Variants in CECR2 observed in about 807,000 individuals in gnomAD.
The protein encoded by CECR2 is chromatin remodeling regulator CECR2.
CECR2 carries 30 observed loss-of-function variants against 154.5 expected under a neutral mutation model. That is an observed-to-expected ratio of 0.19 (90% CI 0.15 to 0.26). CECR2 has a LOEUF of 0.26. CECR2 is among the 10% of genes least tolerant of loss of function. The pLI is 1.00. For synonymous variants in CECR2, 725 were observed against 683.7 expected (o/e 1.06, Z -0.94); for missense variants, 1,743 against 1,829.3 (o/e 0.95, Z 0.86).
At chr22:17,494,989 G>C (rs921930627) in intron 2 of CECR2, among the ~76,000 whole-genome samples, 1 of 152,052 alleles carries the variant, frequency 6.6e-6, no homozygotes, top group Non-Finnish European at 1.5e-5. Flanking sequence ...CACCGCGCCC[G>C]GCAAACTGTT....
chr22:17,554,246 A>G lies in CECR2; in HGVS notation c.*1406A>G, dbSNP rs975241068. 6.6e-6 allele frequency: 1 copy of G among 152,254 alleles called. No individual in the cohort carries two copies. The highest frequency in any genetic ancestry group is 2.4e-5 in the African/African-American group (1 of 41,476). 9.4% of individuals were successfully genotyped at this position (152,254 alleles called of 1,614,324 possible). A position where few individuals can be genotyped will look rare whatever the true frequency, so the allele number is the denominator to read the frequency against. On this transcript the variant is annotated 3_prime_UTR_variant, in exon 19 of 19. Coordinates refer to ENST00000262608, the MANE Select transcript of CECR2 (RefSeq NM_001290047.2). ...GTTTTAAACTTTTGAATATTCCACA[A>G]AAGAAAAAACTAAGGAAAATACTGA... is the stretch of plus-strand genomic sequence containing the variant.
chr22:17,503,889 A>T (rs544261843), intron 6 of CECR2, among the ~76,000 whole-genome samples: 1 of 152,016 alleles, frequency 6.6e-6, no homozygotes, highest in East Asian at 1.9e-4. Flanking sequence ...TCTACTAAAA[A>T]TACAAAAATT....
upstream of CECR2, among the ~76,000 whole-genome samples, chr22:17,365,281 A>T (rs2062996399): frequency 6.6e-6 from 1 of 152,198 alleles, no homozygotes; most frequent in Admixed American, 6.6e-5. Context: ...ACGGTTATGA[A>T]GAAGCCACAC....
chr22:17,526,799 A>G (rs1374526201), intron 9 of CECR2, among the ~76,000 whole-genome samples: 1 of 122,400 alleles, frequency 8.2e-6, no homozygotes, highest in East Asian at 2.6e-4. Flanking sequence ...ACAGAGTAAG[A>G]CTCCATCTCA....
intron 1 of CECR2, among the ~76,000 whole-genome samples, chr22:17,404,127 T>G (rs1448308419): frequency 1.5e-4 from 23 of 151,444 alleles, no homozygotes; most frequent in African/African-American, 3.9e-4. Flanking sequence ...GGCGTCATGT[T>G]GCACGTCTGT....
rs919895831 is a variant in CECR2 at position 17,409,242 on chromosome 22, C to T, written c.126+39333C>T. On this transcript the variant is annotated intron_variant, in intron 1 of 18. Transcript: ENST00000262608. ...CCACCTCGCGGGTTCAAGCGATTCG[C>T]GTGCCTCAGCCTTCTGAGTAACTGG... 4.5e-4 allele frequency among the ~76,000 whole-genome samples: 54 copies of T among 119,054 alleles called. 6 individuals carry two copies. The highest frequency in any genetic ancestry group is 3.7e-3 in the South Asian group (15 of 4,036). The allele number at this position is 119,054 out of a possible 152,430, so 78.1% of individuals were successfully genotyped here. A position where few individuals can be genotyped will look rare whatever the true frequency, so the allele number is the denominator to read the frequency against.
At chr22:17,499,601 A>G (rs2055698370) in intron 4 of CECR2, 52 bp downstream of exon 4, 1 of 1,514,236 alleles carries the variant, frequency 6.6e-7, no homozygotes, top group Non-Finnish European at 8.9e-7. Flanking sequence ...AATGTCATTA[A>G]GATTAAATGC....
chr22:17,400,727 A>G (rs181170343), intron 1 of CECR2, among the ~76,000 whole-genome samples: 41 of 152,232 alleles, frequency 2.7e-4, no homozygotes, highest in Admixed American at 2.6e-3. Flanking sequence ...GCCTGTGTAT[A>G]GTTTGTTGGC....
At chr22:17,463,141 C>G (rs879894563) in intron 1 of CECR2, among the ~76,000 whole-genome samples, 5 of 152,176 alleles carry the variant, frequency 3.3e-5, no homozygotes, top group African/African-American at 4.8e-5. Context: ...CAGGCAGAAC[C>G]TAGTGCAGAT....
chr22:17,519,826 CTG>C (rs1182659591), intron 8 of CECR2, among the ~76,000 whole-genome samples: 2 of 144,812 alleles, frequency 1.4e-5, no homozygotes. Flanking sequence ...TAATCTCACT[CTG>C]TTGCCAGGCT....
intron 1 of CECR2, among the ~76,000 whole-genome samples, chr22:17,383,285 C>T (rs934965793): frequency 6.6e-6 from 1 of 152,136 alleles, no homozygotes; most frequent in Non-Finnish European, 1.5e-5. Flanking sequence ...AGTCTTTTTG[C>T]CAGTGCAGGG....
intron 1 of CECR2, among the ~76,000 whole-genome samples, chr22:17,450,965 G>C (rs2054759943): frequency 6.6e-6 from 1 of 152,188 alleles, no homozygotes; most frequent in African/African-American, 2.4e-5. Flanking sequence ...GCTTTTCGTT[G>C]CACCTTCTAT....
rs986216427 is a variant in CECR2 at position 17,553,903 on chromosome 22, A to G, written c.*1063A>G. On this transcript the variant is annotated 3_prime_UTR_variant, in exon 19 of 19. Transcript: ENST00000262608. ...TGTGGAAGTGACTACTCAGGTTTGT[A>G]TATTTTAGTATCAATAAAGAATTGC... The G allele has an allele frequency of 2.0e-5, 3 of 152,238 alleles. No homozygotes were observed. Among genetic ancestry groups the G allele is most frequent in the African/African-American group, 7.2e-5 (3 of 41,476 alleles). The allele number at this position is 152,238 out of a possible 1,614,324, so 9.4% of individuals were successfully genotyped here.
At chr22:17,442,346 G>A (rs538907425) in intron 1 of CECR2, among the ~76,000 whole-genome samples, 1 of 152,270 alleles carries the variant, frequency 6.6e-6, no homozygotes, top group South Asian at 2.1e-4. Context: ...GGAGAGGATA[G>A]CTTGAGGCTA....
At chr22:17,445,737 C>T (rs948947562) in intron 1 of CECR2, among the ~76,000 whole-genome samples, 1 of 151,678 alleles carries the variant, frequency 6.6e-6, no homozygotes, top group African/African-American at 2.4e-5. Flanking sequence ...GGATTACAGG[C>T]GGGCACCACC....
chr22:17,454,259 A>G (rs4482587), intron 1 of CECR2, among the ~76,000 whole-genome samples: 52 of 152,130 alleles, frequency 3.4e-4, no homozygotes, highest in African/African-American at 6.5e-4. Context: ...TGATCGCACC[A>G]CTGCACCCCA....
At position 17,499,463 on chromosome 22, in the gene CECR2, G is replaced by T. The variant is rs753577889; in HGVS notation, c.459G>T (p.Gly153=). Residue 153 remains glycine, a synonymous_variant, in exon 4 of 19, where the codon GGG becomes GGT. Transcript: ENST00000262608. The stretch of plus-strand genomic sequence containing the variant: ...AGCCATTGGGTGAAGACAATTCTGG[G>T]GCACTATATTGGTATTTCTATGGAA... ...RVEPLGEDNS[G]ALYWYFYGTR... is the part of the protein sequence containing the mutation. The T allele has an allele frequency of 6.2e-7, 1 of 1,613,812 alleles. No homozygotes were observed. Among genetic ancestry groups the T allele is most frequent in the Admixed American group, 1.7e-5 (1 of 60,008 alleles).
In CECR2 at chr22:17,538,324, T is replaced by C. The variant is rs144491900; in HGVS notation, c.1239-196T>C. Among the ~76,000 whole-genome samples the C allele has an allele frequency of 2.4e-4, 37 of 152,332 alleles. 1 individual carries two copies. The East Asian group carries it at 6.2e-3, about 25-fold the overall frequency. On this transcript the variant is annotated intron_variant, in intron 10 of 18. Transcript: ENST00000262608. ...CATTTTATAGATGAGGAAAGTGACA[T>C]TCCCAGTTTTGCTAAGGTCCACTGT...
chr22:17,438,941 C>T (rs1189841809), intron 1 of CECR2, among the ~76,000 whole-genome samples: 3 of 151,980 alleles, frequency 2.0e-5, no homozygotes, highest in African/African-American at 7.3e-5. Flanking sequence ...TGGGGGAGGT[C>T]AAGTTGGGAG....
Sources: allele counts gnomAD v4.1 joint callset (sites outside exome capture counted in the v4.1 genomes callset), GRCh38; gene constraint gnomAD v4.1.1; transcripts MANE v1.5; gene names NCBI Gene and HGNC (gene_info 2026-07-23, HGNC 2026-07-21).